PPP2R2C: variants seen among roughly 807,000 people sequenced by gnomAD.
The protein encoded by PPP2R2C is protein phosphatase 2, regulatory subunit B, gamma.
A neutral mutation model predicts 45.3 loss-of-function variants in PPP2R2C; 10 were observed. The observed-to-expected ratio is 0.22, with a 90% CI of 0.14 to 0.37. The LOEUF (loss-of-function observed/expected upper bound fraction) is 0.37. Ranked by LOEUF, PPP2R2C falls within the 10% of genes least tolerant of loss-of-function variation. The pLI is 1.00. For synonymous variants in PPP2R2C, 257 were observed against 245.4 expected, an observed-to-expected ratio of 1.05 and a Z score of -0.44; for missense variants, 308 against 619.7, an observed-to-expected ratio of 0.50 and a Z score of 5.34.
At chr4:6,467,250 T>A (rs913146512) in intron 1 of PPP2R2C, among the ~76,000 whole-genome samples, 7 of 152,224 alleles carry the variant, frequency 4.6e-5, no homozygotes, top group African/African-American at 1.7e-4. Context: ...CCACCACTAA[T>A]GTCCCCCCTC....
Position 6,378,259 on chromosome 4 carries a change from G to T in PPP2R2C, c.334+148C>A. On this transcript the variant is annotated intron_variant, in intron 3 of 8. Coordinates refer to ENST00000382599, the MANE Select transcript of PPP2R2C (RefSeq NM_020416.4). The surrounding 1 kb of genome is among the most constrained non-coding windows in gnomAD (Gnocchi z 5.2). ...GGGGGTCTGGCATACTCACTCATGG[G>T]ATTTATATGCTGCTCAAAAAGGATA... The T allele has an allele frequency of 6.7e-7, 1 of 1,481,686 alleles. No individual in the cohort carries two copies. Among genetic ancestry groups the T allele is most frequent in the South Asian group, 1.3e-5 (1 of 75,272 alleles). The allele number at this position is 1,481,686 out of a possible 1,614,324, so 91.8% of individuals were successfully genotyped here.
At chr4:6,477,953 G>A (rs1420706487) in intron 2 of PPP2R2C, among the ~76,000 whole-genome samples, 4 of 151,982 alleles carry the variant, frequency 2.6e-5, no homozygotes, top group Middle Eastern at 3.4e-3. Flanking sequence ...CATGTGGTCC[G>A]TGTTCCCCTT....
chr4:6,323,847 G>T (rs922894790), intron 8 of PPP2R2C, among the ~76,000 whole-genome samples: 31 of 151,710 alleles, frequency 2.0e-4, no homozygotes, highest in African/African-American at 7.0e-4. Flanking sequence ...AGCCTGGGGA[G>T]GCAGGAGGAT....
chr4:6,375,934 T>G lies in PPP2R2C; in HGVS notation c.335-3A>C. The G allele has an allele frequency of 6.2e-7, 1 of 1,605,090 alleles. No homozygotes were observed. Among genetic ancestry groups the G allele is most frequent in the Non-Finnish European group, 8.5e-7 (1 of 1,172,234 alleles). ...CTTCCATAATTTGATAGTTTTATCT[T>G]TAAAAACAGAACAAAATAAAGCGAG... On this transcript the variant is annotated splice_region_variant and splice_polypyrimidine_tract_variant and intron_variant, in intron 3 of 8. Transcript: ENST00000382599.
At chr4:6,472,029 A>ATGGGGAGGGG in intron 1 of PPP2R2C, 131 bp downstream of exon 1, 2 of 841,840 alleles carry the variant, frequency 2.4e-6, no homozygotes, top group Non-Finnish European at 3.2e-6. Context: ...GTGGGGTGGG[A>ATGGGGAGGGG]TGGGGTGGGG....
At chr4:6,383,104 C>A in intron 1 of PPP2R2C, 2 of 1,100,078 alleles carry the variant, frequency 1.8e-6, no homozygotes, top group Non-Finnish European at 2.2e-6. Context: ...TTCGACAAGC[C>A]GCAAACAGAG....
At chr4:6,457,480 T>C (rs1721105857) in intron 1 of PPP2R2C, among the ~76,000 whole-genome samples, 1 of 152,022 alleles carries the variant, frequency 6.6e-6, no homozygotes, top group Non-Finnish European at 1.5e-5. Flanking sequence ...CAAGTGATCC[T>C]CCAGCCTCAG....
At chr4:6,381,683 T>C (rs1715806080) in intron 1 of PPP2R2C, 6 of 1,524,200 alleles carry the variant, frequency 3.9e-6, no homozygotes, top group Non-Finnish European at 5.3e-6. Context: ...GAAGCGAAGC[T>C]CAGCCCTGCC....
At chr4:6,455,710 C>T (rs1720986644) in intron 1 of PPP2R2C, among the ~76,000 whole-genome samples, 1 of 152,178 alleles carries the variant, frequency 6.6e-6, no homozygotes, top group African/African-American at 2.4e-5. Flanking sequence ...CCCTCCCCTG[C>T]CTGGACAGAT....
chr4:6,338,383 C>T (rs987317279), intron 6 of PPP2R2C, among the ~76,000 whole-genome samples: 1 of 152,202 alleles, frequency 6.6e-6, no homozygotes, highest in Non-Finnish European at 1.5e-5. Flanking sequence ...GTTGTGGCCA[C>T]AGAGAGCCTT....
chr4:6,556,627 C>A (rs116746368), intron 1 of PPP2R2C, among the ~76,000 whole-genome samples: 4 of 152,198 alleles, frequency 2.6e-5, no homozygotes, highest in African/African-American at 7.2e-5. Flanking sequence ...CCACACACCT[C>A]TTCCCCAGGC....
chr4:6,552,430 T>C (rs1432261186), intron 1 of PPP2R2C, among the ~76,000 whole-genome samples: 1 of 152,160 alleles, frequency 6.6e-6, no homozygotes, highest in Non-Finnish European at 1.5e-5. Flanking sequence ...CCTTGGCTCA[T>C]GACCCCTCCC....
At chr4:6,381,249 G>A (rs755575908) in intron 1 of PPP2R2C, 155 bp from the exon 2 acceptor site, 69 of 1,534,786 alleles carry the variant, frequency 4.5e-5, no homozygotes, top group Middle Eastern at 1.7e-4. Flanking sequence ...CAGGAGCATC[G>A]GCGAGGGGCC....
chr4:6,481,154 C>T (rs954805302), intron 2 of PPP2R2C, among the ~76,000 whole-genome samples: 1 of 152,194 alleles, frequency 6.6e-6, no homozygotes, highest in African/African-American at 2.4e-5. Flanking sequence ...TATTCTTGTC[C>T]TACAGAAGTC....
intron 5 of PPP2R2C, chr4:6,351,175 G>A (rs1712518345): frequency 7.7e-6 from 4 of 516,382 alleles, no homozygotes; most frequent in African/African-American, 2.1e-5. Flanking sequence ...TTAGCCAGGC[G>A]TGGTGGCACA....
intron 6 of PPP2R2C, among the ~76,000 whole-genome samples, chr4:6,334,963 T>C (rs1240450209): frequency 2.0e-5 from 3 of 152,114 alleles, no homozygotes; most frequent in Admixed American, 1.3e-4. Flanking sequence ...CAGCACCCCA[T>C]TCTCCCTCCT....
intron 1 of PPP2R2C, among the ~76,000 whole-genome samples, chr4:6,391,813 C>T (rs766294365): frequency 6.6e-6 from 1 of 152,210 alleles, no homozygotes; most frequent in Non-Finnish European, 1.5e-5. Flanking sequence ...ATGCAGTGAT[C>T]CCCCAGAACT....
intron 1 of PPP2R2C, among the ~76,000 whole-genome samples, chr4:6,436,210 A>G (rs997844126): frequency 4.6e-5 from 7 of 152,216 alleles, no homozygotes; most frequent in African/African-American, 1.7e-4. Flanking sequence ...GCTGCTTACA[A>G]GCCACCCAAT....
Position 6,372,613 on chromosome 4 carries a change from T to C in PPP2R2C, c.535A>G (p.Ile179Val). The C allele has an allele frequency of 2.5e-6, 4 of 1,613,932 alleles. No individual in the cohort carries two copies. Among genetic ancestry groups the C allele is most frequent in the Non-Finnish European group, 3.4e-6 (4 of 1,179,942 alleles). ...ANGHTYHINS[I>V]SVNSDCETYM... Reference sequence around the variant, plus strand: ...GTCTCGCAGTCACTGTTGACGGAGATGGAGTTGATGTGGTAGGTGTGGCCA... The same window carrying C: ...GTCTCGCAGTCACTGTTGACGGAGACGGAGTTGATGTGGTAGGTGTGGCCA... Residue 179 changes from isoleucine to valine, a missense_variant, in exon 5 of 9, where the codon ATC becomes GTC. By Grantham distance (29) the Ile-to-Val change is conservative (BLOSUM62 3). Transcript: ENST00000382599.
Sources: gnomAD v4.1 joint callset for allele counts (sites outside exome capture counted in the v4.1 genomes callset) on GRCh38, gnomAD v4.1.1 for gene constraint, Gnocchi (gnomAD v3.1) non-coding constraint, MANE v1.5 for transcripts, NCBI Gene and HGNC (gene_info 2026-07-23, HGNC 2026-07-21) for gene names.